The following DLGAP2 variants were observed in gnomAD, a reference collection of about 807,000 sequenced individuals.
The protein encoded by DLGAP2 is disks large-associated protein 2.
A neutral mutation model predicts 100.3 loss-of-function variants in DLGAP2; 26 were observed. The ratio of observed to expected loss-of-function variants is 0.26; its 90% CI spans 0.19 to 0.36. DLGAP2 has a LOEUF of 0.36. Among genes scored for constraint, DLGAP2 ranks in the 10% least tolerant of loss-of-function variants. The probability of loss-of-function intolerance (pLI) is 1.00; values close to 1 mark genes in which losing one functional copy is unlikely to be tolerated. For synonymous variants in DLGAP2, 886 were observed against 630.1 expected (o/e 1.41, Z -6.08); for missense variants, 1,858 against 1,453.2 (o/e 1.28, Z -4.53).
intron 6 of DLGAP2, among the ~76,000 whole-genome samples, chr8:1,575,607 T>A (rs550301426): frequency 3.0e-4 from 38 of 127,592 alleles, no homozygotes; most frequent in African/African-American, 8.9e-4. Flanking sequence ...TCCTAATGCT[T>A]TCCCTCCCCC....
At chr8:1,455,779 C>T (rs767747390) in intron 3 of DLGAP2, among the ~76,000 whole-genome samples, 1 of 152,228 alleles carries the variant, frequency 6.6e-6, no homozygotes, top group African/African-American at 2.4e-5. Context: ...CATCATGCCA[C>T]TGAGTGAGTG....
chr8:1,464,562 T>C (rs1367493283), intron 3 of DLGAP2, among the ~76,000 whole-genome samples: 2 of 152,066 alleles, frequency 1.3e-5, no homozygotes, highest in Non-Finnish European at 2.9e-5. Context: ...ACGACTCCCT[T>C]CCAGGACGGC....
At chr8:1,119,454 C>G (rs1795984628) in intron 2 of DLGAP2, among the ~76,000 whole-genome samples, 2 of 152,216 alleles carry the variant, frequency 1.3e-5, no homozygotes, top group African/African-American at 4.8e-5. Flanking sequence ...TGCTTAACTT[C>G]TGTACTCATC....
intron 3 of DLGAP2, among the ~76,000 whole-genome samples, chr8:1,272,131 A>G (rs946082360): frequency 6.6e-6 from 1 of 152,200 alleles, no homozygotes; most frequent in Non-Finnish European, 1.5e-5. Context: ...TGATTTCATT[A>G]TTCTCCGTTT....
intron 3 of DLGAP2, among the ~76,000 whole-genome samples, chr8:1,317,023 T>G (rs868291386): frequency 2.4e-4 from 18 of 76,576 alleles, no homozygotes; most frequent in East Asian, 6.3e-4. Flanking sequence ...ACTCGGCAGC[T>G]TTTAAAAATA....
At chr8:1,453,319 G>GA (rs1402372684) in intron 3 of DLGAP2, among the ~76,000 whole-genome samples, 1 of 152,098 alleles carries the variant, frequency 6.6e-6, no homozygotes, top group Admixed American at 6.5e-5. Context: ...CCAAGTGGGA[G>GA]AAAAAGTATT....
At chr8:1,315,033 C>A (rs191008497) in intron 3 of DLGAP2, among the ~76,000 whole-genome samples, 24 of 152,342 alleles carry the variant, frequency 1.6e-4, no homozygotes, top group African/African-American at 5.1e-4. Context: ...CAGAACACCG[C>A]TCCGTGGCGG....
intron 2 of DLGAP2, among the ~76,000 whole-genome samples, chr8:1,203,229 C>A (rs932934348): frequency 1.4e-4 from 21 of 152,148 alleles, no homozygotes; most frequent in African/African-American, 4.8e-4. Flanking sequence ...GCAGCACCCA[C>A]CCCTCAGTGT....
chr8:916,773 A>G (rs1798603068), intron 2 of DLGAP2, among the ~76,000 whole-genome samples: 1 of 152,220 alleles, frequency 6.6e-6, no homozygotes, highest in South Asian at 2.1e-4. Flanking sequence ...CAAATGGCTG[A>G]TTTGTTGGGC....
At chr8:1,537,294 T>A (rs1277708303) in intron 4 of DLGAP2, among the ~76,000 whole-genome samples, 1 of 152,220 alleles carries the variant, frequency 6.6e-6, no homozygotes, top group African/African-American at 2.4e-5. Flanking sequence ...GTTACACATG[T>A]GCACATAGTT....
In DLGAP2 at chr8:1,501,499, C is replaced by A. The variant is rs1584959111; in HGVS notation, c.172+68C>A. ...GAACCGGGCATGCTCCGGGCACCTC[C>A]CATCATGCGGACCGTCCCACAAACA... On this transcript the variant is annotated intron_variant, in intron 4 of 14. Transcript: ENST00000637795. 2.7e-6 allele frequency: 4 copies of A among 1,456,886 alleles called. No homozygotes were observed. The African/African-American group carries it at 5.6e-5, about 21-fold the overall frequency. The allele number at this position is 1,456,886 out of a possible 1,614,324, so 90.2% of individuals were successfully genotyped here.
chr8:952,426 C>T (rs780361460), intron 2 of DLGAP2, among the ~76,000 whole-genome samples: 1 of 152,164 alleles, frequency 6.6e-6, no homozygotes, highest in Non-Finnish European at 1.5e-5. Flanking sequence ...CATTTGAGGT[C>T]AGGAGTTCAA....
chr8:763,520 T>C (rs533673411), intron 1 of DLGAP2, among the ~76,000 whole-genome samples: 1 of 152,306 alleles, frequency 6.6e-6, no homozygotes, highest in South Asian at 2.1e-4. Context: ...CTAAGACCAT[T>C]CCTCATAGAA....
At chr8:1,055,683 A>G (rs1011443726) in intron 2 of DLGAP2, among the ~76,000 whole-genome samples, 1 of 152,176 alleles carries the variant, frequency 6.6e-6, no homozygotes, top group Non-Finnish European at 1.5e-5. Context: ...CAGCTCCTCC[A>G]CAAAGCAGGT....
intron 2 of DLGAP2, among the ~76,000 whole-genome samples, chr8:1,251,279 A>G (rs1487628992): frequency 1.3e-5 from 2 of 152,236 alleles, no homozygotes; most frequent in Non-Finnish European, 2.9e-5. Context: ...CTAGCATAGT[A>G]CCTGACACAA....
chr8:1,000,623 C>T (rs961277481), intron 2 of DLGAP2, among the ~76,000 whole-genome samples: 4 of 152,168 alleles, frequency 2.6e-5, no homozygotes, highest in Admixed American at 2.0e-4. Context: ...TTTTTGTTAT[C>T]CTAATTGCTC....
intron 3 of DLGAP2, among the ~76,000 whole-genome samples, chr8:1,344,178 T>A (rs1306835945): frequency 6.6e-6 from 1 of 151,436 alleles, no homozygotes; most frequent in Non-Finnish European, 1.5e-5. Flanking sequence ...CTCGGGGCGC[T>A]GTCGTGGGTC....
At chr8:1,209,790 G>C (rs1340210422) in intron 2 of DLGAP2, among the ~76,000 whole-genome samples, 1 of 152,140 alleles carries the variant, frequency 6.6e-6, no homozygotes, top group Non-Finnish European at 1.5e-5. Flanking sequence ...GTGATGGTCT[G>C]ACTTGTCTGT....
rs979667073 is a variant in DLGAP2 at position 860,778 on chromosome 8, C to T, written c.19-47134C>T. Reference sequence around the variant, plus strand: ...TTGGTGATGGAGACACGGCAGGTAGCGTGTGCACCCTGTGTGGCGGGGAGT... The same window carrying T: ...TTGGTGATGGAGACACGGCAGGTAGTGTGTGCACCCTGTGTGGCGGGGAGT... On this transcript the variant is annotated intron_variant, in intron 1 of 14. Transcript: ENST00000637795. Among the ~76,000 whole-genome samples the T allele has an allele frequency of 9.2e-5, 14 of 152,236 alleles. 1 individual carries two copies. Among genetic ancestry groups the T allele is most frequent in the Admixed American group, 2.6e-4 (4 of 15,286 alleles).
Sources: gnomAD v4.1 joint callset for allele counts (sites outside exome capture counted in the v4.1 genomes callset) on GRCh38, gnomAD v4.1.1 for gene constraint, MANE v1.5 for transcripts, NCBI Gene and HGNC (gene_info 2026-07-23, HGNC 2026-07-21) for gene names.